Variants in SHANK2 observed in about 807,000 individuals in gnomAD.
The protein encoded by SHANK2 is SH3 and multiple ankyrin repeat domains protein 2.
Under a neutral mutation model 133.7 loss-of-function variants are expected in SHANK2, and 43 were observed. The ratio of observed to expected loss-of-function variants is 0.32; its 90% CI spans 0.25 to 0.41. The LOEUF is 0.41. Among genes scored for constraint, SHANK2 ranks in the 10% least tolerant of loss-of-function variants. The pLI, the probability that SHANK2 is intolerant of heterozygous loss-of-function variation, is 1.00. For synonymous variants in SHANK2, 1,017 were observed against 952.8 expected, an observed-to-expected ratio of 1.07 and a Z score of -1.24; for missense variants, 1,994 against 2,235.8, an observed-to-expected ratio of 0.89 and a Z score of 2.18.
In SHANK2 at chr11:70,468,562, A is replaced by T. The variant is rs1036733637; in HGVS notation, c.*4307T>A. Reference sequence around the variant, plus strand: ...ATTAAAATGCCTCCAATTTCAAGTAAAAGAAAAAATCTTCCAATAATTTTC... The same window carrying T: ...ATTAAAATGCCTCCAATTTCAAGTATAAGAAAAAATCTTCCAATAATTTTC... On this transcript the variant is annotated 3_prime_UTR_variant, in exon 26 of 26. Coordinates refer to ENST00000601538, the MANE Select transcript of SHANK2 (RefSeq NM_012309.5). 1 of 152,234 alleles carries T rather than the reference A, an allele frequency of 6.6e-6. No homozygotes were observed. The highest frequency in any genetic ancestry group is 2.4e-5 in the African/African-American group (1 of 41,460). 9.4% of individuals were successfully genotyped at this position (152,234 alleles called of 1,614,324 possible).
chr11:70,619,162 G>T (rs1402434698), intron 17 of SHANK2, among the ~76,000 whole-genome samples: 2 of 152,170 alleles, frequency 1.3e-5, no homozygotes, highest in Non-Finnish European at 2.9e-5. Context: ...AACCACCCTT[G>T]GGTTAGATTC....
intron 10 of SHANK2, among the ~76,000 whole-genome samples, chr11:70,900,347 G>A (rs797022783): frequency 9.9e-5 from 15 of 151,248 alleles, no homozygotes; most frequent in African/African-American, 3.4e-4. Flanking sequence ...AGCGAGACTC[G>A]GTGTCAAAAA....
intron 14 of SHANK2, among the ~76,000 whole-genome samples, chr11:70,769,665 CAAGTG>C (rs1555042216): frequency 6.6e-6 from 1 of 152,184 alleles, no homozygotes. Context: ...GTGCTGAGCA[CAAGTG>C]AAGCATGTGC....
intron 10 of SHANK2, among the ~76,000 whole-genome samples, chr11:70,904,422 G>A (rs1361065180): frequency 6.6e-6 from 1 of 152,004 alleles, no homozygotes; most frequent in African/African-American, 2.4e-5. Flanking sequence ...GGGTGACATG[G>A]CTTGGCTCTA....
intron 11 of SHANK2, among the ~76,000 whole-genome samples, chr11:70,854,080 T>C (rs1486754720): frequency 6.6e-6 from 1 of 152,180 alleles, no homozygotes; most frequent in Admixed American, 6.5e-5. Flanking sequence ...GACCCTGCAG[T>C]GTTAACAGTG....
At chr11:70,879,563 G>C (rs1357356068) in intron 11 of SHANK2, among the ~76,000 whole-genome samples, 1 of 152,168 alleles carries the variant, frequency 6.6e-6, no homozygotes, top group East Asian at 1.9e-4. Context: ...CGTCCCTCTG[G>C]GATTTGGTCA....
chr11:71,233,664 A>G (rs1334025687), intron 1 of SHANK2, among the ~76,000 whole-genome samples: 2 of 152,202 alleles, frequency 1.3e-5, no homozygotes, highest in Admixed American at 6.5e-5. Context: ...GAAATCCGCA[A>G]CTGGGTTCTA....
intron 2 of SHANK2, among the ~76,000 whole-genome samples, chr11:71,172,964 G>A (rs76012527): frequency 0.011 from 1,741 of 152,346 alleles, 29 homozygotes; most frequent in African/African-American, 0.04. Flanking sequence ...ATTTCAAAGT[G>A]CTCTGGCCTC....
intron 11 of SHANK2, among the ~76,000 whole-genome samples, chr11:70,875,105 G>T (rs1291873365): frequency 6.6e-6 from 1 of 152,156 alleles, no homozygotes; most frequent in South Asian, 2.1e-4. Flanking sequence ...TTAGACCAAC[G>T]ATTGGGGGAA....
At chr11:70,508,335 A>T (rs782007075) in intron 17 of SHANK2, among the ~76,000 whole-genome samples, 2 of 151,958 alleles carry the variant, frequency 1.3e-5, no homozygotes, top group Non-Finnish European at 2.9e-5. Flanking sequence ...CCCACATCCC[A>T]TCCCTCCAGC....
At chr11:71,073,917 T>C (rs1272085591) in intron 9 of SHANK2, among the ~76,000 whole-genome samples, 1 of 152,178 alleles carries the variant, frequency 6.6e-6, no homozygotes, top group African/African-American at 2.4e-5. Context: ...ACGGGGTAGA[T>C]GGCTGACTCC....
At chr11:70,942,787 C>T (rs1379123538) in intron 10 of SHANK2, 1 of 456,480 alleles carries the variant, frequency 2.2e-6, no homozygotes, top group Non-Finnish European at 4.4e-6. Flanking sequence ...AACTCTGCAC[C>T]AAGCTGTACC....
chr11:71,103,149 G>T (rs1590914064), intron 6 of SHANK2, among the ~76,000 whole-genome samples: 1 of 152,206 alleles, frequency 6.6e-6, no homozygotes, highest in East Asian at 1.9e-4. Flanking sequence ...GGGTTCAACA[G>T]TATAGAGGAT....
chr11:70,806,984 CA>C lies in SHANK2; in HGVS notation c.1663+17del, dbSNP rs1555052013. The stretch of plus-strand genomic sequence containing the variant: ...CTGACCTCACTCCAGGAGCGGAGGA[CA>C]ACCAGCAGACACTGACCTTTGACCC... On this transcript the variant is annotated intron_variant, in intron 13 of 25. Transcript: ENST00000601538. 1.4e-6 allele frequency: 1 copy of C among 714,974 alleles called. No individual in the cohort carries two copies. Among genetic ancestry groups the C allele is most frequent in the African/African-American group, 1.8e-5 (1 of 57,100 alleles). 44.3% of individuals were successfully genotyped at this position (714,974 alleles called of 1,614,324 possible). A position where few individuals can be genotyped will look rare whatever the true frequency, so the allele number is the denominator to read the frequency against.
chr11:71,081,674 G>A (rs1951302938), intron 8 of SHANK2, among the ~76,000 whole-genome samples: 1 of 152,158 alleles, frequency 6.6e-6, no homozygotes, highest in Admixed American at 6.5e-5. Flanking sequence ...CATTCCCTCT[G>A]GAGGCTCAGA....
At chr11:71,140,280 T>C (rs2135378458) in intron 3 of SHANK2, among the ~76,000 whole-genome samples, 1 of 152,350 alleles carries the variant, frequency 6.6e-6, no homozygotes, top group South Asian at 2.1e-4. Flanking sequence ...GACTAAACCC[T>C]GAAGAGGCCC....
rs556396710 is a variant in SHANK2 at position 70,905,057 on chromosome 11, G to A, written c.1108-8490C>T. On this transcript the variant is annotated intron_variant, in intron 10 of 25. Coordinates refer to ENST00000601538, the MANE Select transcript of SHANK2 (RefSeq NM_012309.5). ...CCTGGGTGCTCTTAGGCATGGCATGGTCTCAGGATGGTGGAAGGTGGAGTG... is the reference window on the plus strand; with the variant it reads ...CCTGGGTGCTCTTAGGCATGGCATGATCTCAGGATGGTGGAAGGTGGAGTG... 2.6e-5 allele frequency among the ~76,000 whole-genome samples: 4 copies of A among 152,326 alleles called. No individual in the cohort carries two copies. The East Asian group carries it at 7.7e-4, about 29-fold the overall frequency.
chr11:70,952,609 G>A (rs898926650), intron 10 of SHANK2: 31 of 254,832 alleles, frequency 1.2e-4, no homozygotes, highest in Admixed American at 2.3e-4. Context: ...CTCCTATGCC[G>A]TGGCTTTTCT....
At chr11:71,249,991 A>G (rs782620333) in intron 1 of SHANK2, among the ~76,000 whole-genome samples, 1 of 152,096 alleles carries the variant, frequency 6.6e-6, no homozygotes, top group Non-Finnish European at 1.5e-5. Flanking sequence ...ATACAACCCT[A>G]AGCACCTGAA....
Sources: allele counts gnomAD v4.1 joint callset (sites outside exome capture counted in the v4.1 genomes callset), GRCh38; gene constraint gnomAD v4.1.1; transcripts MANE v1.5; gene names NCBI Gene and HGNC (gene_info 2026-07-23, HGNC 2026-07-21).